The following SOX5 variants were observed in gnomAD, a reference collection of about 807,000 sequenced individuals.
SOX5 encodes the protein SRY-box transcription factor 5, also known as transcription factor SOX-5.
Under a neutral mutation model 92.0 loss-of-function variants are expected in SOX5, and 9 were observed. The observed-to-expected ratio is 0.10, with a 90% CI of 0.06 to 0.17. The LOEUF is 0.17. SOX5 is among the 10% of genes least tolerant of loss of function. The probability of loss-of-function intolerance (pLI) is 1.00; values close to 1 mark genes in which losing one functional copy is unlikely to be tolerated. For synonymous variants in SOX5, 344 were observed against 336.3 expected, an observed-to-expected ratio of 1.02 and a Z score of -0.25; for missense variants, 642 against 944.5, an observed-to-expected ratio of 0.68 and a Z score of 4.20.
At chr12:23,992,810 T>G (rs1950685396) in intron 4 of SOX5, among the ~76,000 whole-genome samples, 1 of 152,154 alleles carries the variant, frequency 6.6e-6, no homozygotes, top group Non-Finnish European at 1.5e-5. Context: ...CAAAGTGAAT[T>G]TTAAGTTCCA....
chr12:23,537,329 CTATT>C (rs542177794), intron 13 of SOX5, among the ~76,000 whole-genome samples: 4 of 152,278 alleles, frequency 2.6e-5, no homozygotes, highest in Admixed American at 2.6e-4. Flanking sequence ...GCATTTCTAT[CTATT>C]TTCATAGATG....
intron 2 of SOX5, among the ~76,000 whole-genome samples, chr12:23,857,151 AG>A (rs1166107848): frequency 6.6e-6 from 1 of 152,190 alleles, no homozygotes; most frequent in Non-Finnish European, 1.5e-5. Context: ...CTTAACCAAA[AG>A]AAATGAAGAA....
chr12:23,878,926 A>C (rs1595309438), intron 2 of SOX5, among the ~76,000 whole-genome samples: 1 of 152,086 alleles, frequency 6.6e-6, no homozygotes, highest in South Asian at 2.1e-4. Context: ...CCTGCCCCTG[A>C]AGTTACTCCT....
In SOX5 at chr12:24,051,394, C is replaced by A. The variant is rs544734255; in HGVS notation, c.-1-155370G>T. Among the ~76,000 whole-genome samples the A allele has an allele frequency of 1.2e-4, 18 of 152,072 alleles. No homozygotes were observed. The South Asian group carries it at 3.7e-3, about 32-fold the overall frequency. On this transcript the variant is annotated intron_variant, in intron 4 of 4. Transcript: ENST00000446891. ...AAACATAAGCACACACCCATACATG[C>A]AAACGTTATATATCAAGTGCACTTA...
rs117975326 is a variant in SOX5, at chr12:24,260,227, G to A, written c.-77+16989C>T. ...GATGAAGCATCGTTTTCACTGATTCGCTGACGAGGAGCATGATGGGTGACC... is the reference window on the plus strand; with the variant it reads ...GATGAAGCATCGTTTTCACTGATTCACTGACGAGGAGCATGATGGGTGACC... On this transcript the variant is annotated intron_variant, in intron 3 of 4. Transcript: ENST00000446891. Among the ~76,000 whole-genome samples, 1,453 of 152,254 alleles carry A rather than the reference G, an allele frequency of 9.5e-3. 12 individuals are homozygous for A. The highest frequency in any genetic ancestry group is 0.018 in the South Asian group (88 of 4,820).
At chr12:24,317,984 G>A (rs1595521301) in intron 2 of SOX5, among the ~76,000 whole-genome samples, 1 of 152,314 alleles carries the variant, frequency 6.6e-6, no homozygotes, top group East Asian at 1.9e-4. Flanking sequence ...GCTGAGGTGG[G>A]CGGATCACCT....
chr12:24,176,244 G>A (rs1476669313), intron 4 of SOX5, among the ~76,000 whole-genome samples: 4 of 152,062 alleles, frequency 2.6e-5, no homozygotes, highest in Admixed American at 1.3e-4. Flanking sequence ...TGGGACAATC[G>A]CCTGAGCCCA....
rs563708531 is a variant in SOX5 at position 23,598,488 on chromosome 12, T to C, written c.1164+5899A>G. On this transcript the variant is annotated intron_variant, in intron 9 of 14. Coordinates refer to ENST00000451604, the MANE Select transcript of SOX5 (RefSeq NM_006940.6). Reference sequence around the variant, plus strand: ...ATCTCGGCTCACTGCAAGCTCCGCCTCCTGGGTTCATGCTATTCTCCTGCC... The same window carrying C: ...ATCTCGGCTCACTGCAAGCTCCGCCCCCTGGGTTCATGCTATTCTCCTGCC... 2.3e-3 allele frequency among the ~76,000 whole-genome samples: 314 copies of C among 138,812 alleles called. 1 individual carries two copies. Among genetic ancestry groups the C allele is most frequent in the African/African-American group, 7.8e-3 (293 of 37,362 alleles). The allele number at this position is 138,812 out of a possible 152,430, so 91.1% of individuals were successfully genotyped here. A position where few individuals can be genotyped will look rare whatever the true frequency, so the allele number is the denominator to read the frequency against.
At chr12:23,612,615 A>G (rs2076098191) in intron 8 of SOX5, among the ~76,000 whole-genome samples, 1 of 152,156 alleles carries the variant, frequency 6.6e-6, no homozygotes, top group South Asian at 2.1e-4. Context: ...CAATTAACAT[A>G]TATGCAATGT....
chr12:23,882,552 G>A (rs887603691), intron 2 of SOX5, among the ~76,000 whole-genome samples: 5 of 152,096 alleles, frequency 3.3e-5, no homozygotes, highest in Non-Finnish European at 5.9e-5. Flanking sequence ...TCTGGTAAAT[G>A]GTTTGGAGAA....
intron 4 of SOX5, among the ~76,000 whole-genome samples, chr12:23,957,820 T>G (rs1829652610): frequency 6.6e-6 from 1 of 152,194 alleles, no homozygotes; most frequent in African/African-American, 2.4e-5. Flanking sequence ...TATAGAATCT[T>G]AAATTTATAC....
At chr12:23,758,102 G>T (rs756213269) in intron 3 of SOX5, among the ~76,000 whole-genome samples, 37 of 149,362 alleles carry the variant, frequency 2.5e-4, no homozygotes, top group Non-Finnish European at 4.1e-4. Context: ...AATCACGGTT[G>T]TCATGTCTGT....
chr12:24,151,534 G>A (rs374260961), intron 4 of SOX5, among the ~76,000 whole-genome samples: 1 of 152,108 alleles, frequency 6.6e-6, no homozygotes, highest in African/African-American at 2.4e-5. Context: ...CTATTTTGAA[G>A]GTGGTAGTAG....
chr12:23,555,998 C>T (rs780310127), intron 11 of SOX5, among the ~76,000 whole-genome samples: 1 of 152,166 alleles, frequency 6.6e-6, no homozygotes, highest in African/African-American at 2.4e-5. Context: ...TATTGAAAGG[C>T]TGACATACAG....
rs188333474 is a variant in SOX5 at position 23,786,915 on chromosome 12, C to T, written c.482-31191G>A. On this transcript the variant is annotated intron_variant, in intron 3 of 14. Transcript: ENST00000451604. The stretch of plus-strand genomic sequence containing the variant: ...TCTGAATTAGTTAAGGTTCCTGTTT[C>T]GAGTTTTGTAGTGAGTGAAATGAAA... Among the ~76,000 whole-genome samples, 32 of 145,234 alleles carry T rather than the reference C, an allele frequency of 2.2e-4. 3 individuals carry two copies. The Middle Eastern group carries it at 0.01, about 47-fold the overall frequency.
chr12:24,324,826 C>A (rs1318030414), intron 2 of SOX5, among the ~76,000 whole-genome samples: 1 of 152,022 alleles, frequency 6.6e-6, no homozygotes, highest in African/African-American at 2.4e-5. Context: ...AGCACAATGC[C>A]TACCTCCTGG....
chr12:24,261,130 G>C (rs74068474), intron 3 of SOX5, among the ~76,000 whole-genome samples: 1 of 151,994 alleles, frequency 6.6e-6, no homozygotes, highest in Non-Finnish European at 1.5e-5. Flanking sequence ...GAGATTTTAC[G>C]TGTAGAATGT....
chr12:24,119,078 T>C (rs1282014507), intron 4 of SOX5, among the ~76,000 whole-genome samples: 1 of 152,054 alleles, frequency 6.6e-6, no homozygotes, highest in Non-Finnish European at 1.5e-5. Context: ...ATTATAAAAA[T>C]TCTGACTTTA....
At chr12:24,029,021 C>CAA (rs1457955194) in intron 4 of SOX5, among the ~76,000 whole-genome samples, 1 of 151,658 alleles carries the variant, frequency 6.6e-6, no homozygotes, top group East Asian at 1.9e-4. Flanking sequence ...AATTACATTT[C>CAA]AAAAATAACC....
Sources: allele counts gnomAD v4.1 joint callset (sites outside exome capture counted in the v4.1 genomes callset), GRCh38; gene constraint gnomAD v4.1.1; transcripts MANE v1.5; gene names NCBI Gene and HGNC (gene_info 2026-07-23, HGNC 2026-07-21).